The following CPNE5 variants were observed in gnomAD, a reference collection of about 807,000 sequenced individuals.
CPNE5 encodes the protein copine-5.
CPNE5 carries 42 observed loss-of-function variants against 81.1 expected under a neutral mutation model. The observed-to-expected ratio is 0.52, with a 90% CI of 0.40 to 0.67. The LOEUF is 0.67. CPNE5 is among the 30% of genes least tolerant of loss of function. CPNE5 has a pLI of 0.00. For synonymous variants in CPNE5, 313 were observed against 321.5 expected, an observed-to-expected ratio of 0.97 and a Z score of 0.28; for missense variants, 612 against 815.5, an observed-to-expected ratio of 0.75 and a Z score of 3.04.
intron 10 of CPNE5, among the ~76,000 whole-genome samples, chr6:36,771,936 A>G (rs1359211994): frequency 1.3e-5 from 2 of 152,060 alleles, no homozygotes; most frequent in Non-Finnish European, 2.9e-5. Flanking sequence ...GCTTCTGGAC[A>G]TGGGGGAGGG....
intron 9 of CPNE5, 47 bp downstream of exon 9, chr6:36,778,807 A>G (rs1279166731): frequency 7.5e-7 from 1 of 1,325,040 alleles, no homozygotes; most frequent in Non-Finnish European, 1.1e-6. Context: ...CCTTGACCCC[A>G]GAAGGGACGA....
intron 7 of CPNE5, among the ~76,000 whole-genome samples, chr6:36,794,179 G>A (rs577605693): frequency 1.6e-5 from 2 of 128,710 alleles, no homozygotes; most frequent in South Asian, 5.2e-4. Context: ...GAACAGGGGG[G>A]AAAGGATAAA....
chr6:36,778,007 C>G (rs1767705307), intron 9 of CPNE5, among the ~76,000 whole-genome samples: 1 of 152,166 alleles, frequency 6.6e-6, no homozygotes. Flanking sequence ...CCTCCCTGGC[C>G]CCATCGCTTC....
intron 1 of CPNE5, among the ~76,000 whole-genome samples, chr6:36,835,283 T>C (rs982545553): frequency 4.6e-5 from 7 of 152,066 alleles, no homozygotes; most frequent in Non-Finnish European, 8.8e-5. Flanking sequence ...ACCTGAAAAA[T>C]AGTGGCGCCT....
chr6:36,839,342 C>T lies in CPNE5; in HGVS notation c.36G>A (p.Glu12=). Residue 12 remains glutamate (E), a synonymous_variant, in exon 1 of 21, where the codon GAG becomes GAA. Transcript: ENST00000244751. This position sits in a 1 kb window ranked among gnomAD's most constrained non-coding sequence, Gnocchi z 7.3. ...EQPEDMASLS[E]FDSLAGSIPA... ...GGATGCTGCCCGCCAAGGAGTCGAA[C>T]TCGCTCAGCGACGCCATGTCCTCAG... The T allele has an allele frequency of 1.3e-6, 2 of 1,554,074 alleles. No individual in the cohort carries two copies. Among genetic ancestry groups the T allele is most frequent in the South Asian group, 1.2e-5 (1 of 84,090 alleles).
chr6:36,759,800 C>T (rs1274182432), intron 12 of CPNE5, among the ~76,000 whole-genome samples: 2 of 151,754 alleles, frequency 1.3e-5, no homozygotes, highest in Admixed American at 6.6e-5. Context: ...TGAGACAGCA[C>T]GGAGGTTCAG....
chr6:36,747,923 GA>G (rs1317687121), intron 15 of CPNE5, among the ~76,000 whole-genome samples: 6 of 152,326 alleles, frequency 3.9e-5, no homozygotes, highest in East Asian at 1.9e-4. Flanking sequence ...ATCCCGGGGG[GA>G]AACATCTCCA....
At chr6:36,837,698 TG>T (rs1364238746) in intron 1 of CPNE5, among the ~76,000 whole-genome samples, 5 of 150,440 alleles carry the variant, frequency 3.3e-5, no homozygotes, top group Admixed American at 1.3e-4. Context: ...TTTTCAGGAG[TG>T]GGGGGATCAT....
At chr6:36,803,683 G>C (rs1438801401) in intron 3 of CPNE5, among the ~76,000 whole-genome samples, 2 of 152,140 alleles carry the variant, frequency 1.3e-5, no homozygotes, top group African/African-American at 2.4e-5. Context: ...TATTTGAACT[G>C]GTTGCAACAT....
At chr6:36,752,817 G>A (rs1764992618) in intron 14 of CPNE5, among the ~76,000 whole-genome samples, 1 of 152,208 alleles carries the variant, frequency 6.6e-6, no homozygotes, top group South Asian at 2.1e-4. Flanking sequence ...AGCCTCCTTG[G>A]CTCAGGAGTT....
upstream of CPNE5, chr6:36,839,968 G>C (rs1038192333): frequency 6.6e-6 from 1 of 151,714 alleles, no homozygotes; most frequent in African/African-American, 2.4e-5. This position sits in a 1 kb window ranked among gnomAD's most constrained non-coding sequence, Gnocchi z 7.3. Context: ...CTTCGGCTCC[G>C]GGGCGCCCGG....
intron 1 of CPNE5, among the ~76,000 whole-genome samples, chr6:36,829,221 C>T (rs1234359828): frequency 6.6e-6 from 1 of 152,148 alleles, no homozygotes; most frequent in African/African-American, 2.4e-5. Flanking sequence ...CCTGGCTGGG[C>T]TTGGTGGCTC....
intron 1 of CPNE5, among the ~76,000 whole-genome samples, chr6:36,838,437 T>C (rs1273121601): frequency 6.6e-6 from 1 of 152,142 alleles, no homozygotes; most frequent in Non-Finnish European, 1.5e-5. Flanking sequence ...TTGCCACCCA[T>C]ACCCTCTTAC....
Position 36,741,867 on chromosome 6 carries a change from T to C in CPNE5, c.*401A>G, listed in dbSNP as rs757870601. ...GGCTCAGGGACAGGAGTAGACACCA[T>C]GGGAGGATGGGACGGAGATGGGGGG... On this transcript the variant is annotated 3_prime_UTR_variant, in exon 21 of 21. Transcript: ENST00000244751. 1.3e-4 allele frequency: 26 copies of C among 192,918 alleles called. No homozygotes were observed. The highest frequency in any genetic ancestry group is 1.9e-4 in the Non-Finnish European group (18 of 94,358). The allele number at this position is 192,918 out of a possible 1,614,324, so 12.0% of individuals were successfully genotyped here.
chr6:36,771,645 C>T (rs2150440081), intron 10 of CPNE5, among the ~76,000 whole-genome samples: 1 of 152,312 alleles, frequency 6.6e-6, no homozygotes, highest in Non-Finnish European at 1.5e-5. Flanking sequence ...TGGGGCCTGA[C>T]TGGCTTGGAA....
rs1242584373 is a variant in CPNE5, at chr6:36,740,931, C to G, written c.*1337G>C. On this transcript the variant is annotated 3_prime_UTR_variant, in exon 21 of 21. Coordinates refer to ENST00000244751, the MANE Select transcript of CPNE5 (RefSeq NM_020939.2). Reference sequence around the variant, plus strand: ...AGACGGGGGCCTGGCCTGCACCAGGCACGGAGAGGTCAGTGGGCTGAGGAG... The same window carrying G: ...AGACGGGGGCCTGGCCTGCACCAGGGACGGAGAGGTCAGTGGGCTGAGGAG... 6.6e-6 allele frequency: 1 copy of G among 152,554 alleles called. No individual in the cohort carries two copies. The highest frequency in any genetic ancestry group is 2.4e-5 in the African/African-American group (1 of 41,438). 9.5% of individuals were successfully genotyped at this position (152,554 alleles called of 1,614,324 possible).
chr6:36,756,112 C>CCACA, intron 13 of CPNE5, 133 bp downstream of exon 13: 2 of 523,830 alleles, frequency 3.8e-6, no homozygotes. Flanking sequence ...CTCCCCACCC[C>CCACA]ATCTCTCTTG....
At chr6:36,797,502 A>AT (rs1769698283) in intron 6 of CPNE5, among the ~76,000 whole-genome samples, 1 of 152,176 alleles carries the variant, frequency 6.6e-6, no homozygotes, top group Non-Finnish European at 1.5e-5. Context: ...AATCGTTTAT[A>AT]CAGGCAAGGG....
At chr6:36,819,819 T>C (rs1771885276) in intron 3 of CPNE5, among the ~76,000 whole-genome samples, 1 of 152,090 alleles carries the variant, frequency 6.6e-6, no homozygotes, top group Non-Finnish European at 1.5e-5. Context: ...CCAGCCTCCC[T>C]CCCAGGAGTC....
Sources: gnomAD v4.1 joint callset for allele counts (sites outside exome capture counted in the v4.1 genomes callset) on GRCh38, gnomAD v4.1.1 for gene constraint, Gnocchi (gnomAD v3.1) non-coding constraint, MANE v1.5 for transcripts, NCBI Gene and HGNC (gene_info 2026-07-23, HGNC 2026-07-21) for gene names.